PIBF1: variants seen among roughly 807,000 people sequenced by gnomAD.
The protein encoded by PIBF1 is progesterone immunomodulatory binding factor 1.
A neutral mutation model predicts 112.5 loss-of-function variants in PIBF1; 90 were observed. The ratio of observed to expected loss-of-function variants is 0.80; its 90% CI spans 0.67 to 0.95. The LOEUF is 0.95. Ranked by LOEUF, PIBF1 falls within the 40% of genes least tolerant of loss-of-function variation. The pLI is 0.00. For synonymous variants in PIBF1, 301 were observed against 288.6 expected (o/e 1.04, Z -0.44); for missense variants, 915 against 852.3 (o/e 1.07, Z -0.92).
At chr13:72,996,146 A>G (rs575743476) in intron 16 of PIBF1, among the ~76,000 whole-genome samples, 25 of 143,710 alleles carry the variant, frequency 1.7e-4, no homozygotes, top group Admixed American at 1.7e-3. Context: ...ATTGCCACTC[A>G]TATTAAAGAC....
chr13:72,902,938 C>T, intron 11 of PIBF1, among the ~76,000 whole-genome samples: 1 of 151,744 alleles, frequency 6.6e-6, no homozygotes, highest in Non-Finnish European at 1.5e-5. Flanking sequence ...CTCTGTCTCC[C>T]AGGCTGGAAT....
At chr13:73,003,051 C>T (rs1220426023) in intron 17 of PIBF1, among the ~76,000 whole-genome samples, 1 of 147,492 alleles carries the variant, frequency 6.8e-6, no homozygotes, top group African/African-American at 2.5e-5. Flanking sequence ...GATTGTGCAC[C>T]TCCAGTGTAT....
Position 72,893,942 on chromosome 13 carries a change from A to G in PIBF1, c.1481A>G (p.Lys494Arg), listed in dbSNP as rs754138276. The change falls in exon 11 of 18, where the codon AAA becomes AGA. Residue 494 changes from lysine (K) to arginine (R), a missense_variant. Physicochemically the swap from Lys to Arg is conservative, Grantham distance 26. Transcript: ENST00000326291. ...TTGGAATGTGAAAAATATCAGAAAA[A>G]ATTGGAGGTACATGTACAAGCTTTT... ...CQLECEKYQK[K>R]LEVLTKEFYS... The G allele has an allele frequency of 1.8e-5, 28 of 1,586,230 alleles. No individual in the cohort carries two copies. The highest frequency in any genetic ancestry group is 2.2e-5 in the Non-Finnish European group (26 of 1,165,870).
intron 8 of PIBF1, among the ~76,000 whole-genome samples, chr13:72,829,372 A>G (rs2036988006): frequency 1.3e-5 from 2 of 152,032 alleles, no homozygotes; most frequent in Non-Finnish European, 2.9e-5. Context: ...ATCCTGAATG[A>G]TATTGCCCAG....
At chr13:72,830,426 T>C (rs928853224) in intron 8 of PIBF1, among the ~76,000 whole-genome samples, 1 of 152,136 alleles carries the variant, frequency 6.6e-6, no homozygotes. Context: ...CATAACTAGC[T>C]CTTATTATTT....
At chr13:72,839,407 T>C (rs889499561) in intron 9 of PIBF1, among the ~76,000 whole-genome samples, 1 of 152,182 alleles carries the variant, frequency 6.6e-6, no homozygotes, top group African/African-American at 2.4e-5. Context: ...TAGGAAAACA[T>C]GATAAATTTA....
At chr13:72,997,093 C>A (rs1426106354) in intron 16 of PIBF1, among the ~76,000 whole-genome samples, 4 of 152,156 alleles carry the variant, frequency 2.6e-5, no homozygotes, top group African/African-American at 9.7e-5. Context: ...ACTAAACCCC[C>A]CTTTACCTTA....
At chr13:72,837,034 A>G (rs1027822519) in intron 9 of PIBF1, among the ~76,000 whole-genome samples, 4 of 151,972 alleles carry the variant, frequency 2.6e-5, no homozygotes, top group Non-Finnish European at 5.9e-5. Context: ...TAATTATGTC[A>G]TATTTATAAT....
chr13:72,814,087 C>G (rs2036150212), intron 5 of PIBF1, among the ~76,000 whole-genome samples: 1 of 152,172 alleles, frequency 6.6e-6, no homozygotes, highest in East Asian at 1.9e-4. Context: ...TTATGACCTT[C>G]AAACCAAGCC....
At chr13:72,793,954 C>T (rs2035063528) in intron 3 of PIBF1, among the ~76,000 whole-genome samples, 1 of 152,110 alleles carries the variant, frequency 6.6e-6, no homozygotes, top group African/African-American at 2.4e-5. Flanking sequence ...ATCTGGGGAT[C>T]ATTAGGCTAT....
At chr13:72,831,389 C>G (rs921985365) in intron 8 of PIBF1, among the ~76,000 whole-genome samples, 3 of 152,112 alleles carry the variant, frequency 2.0e-5, no homozygotes, top group African/African-American at 7.2e-5. Context: ...CCTGACTTCT[C>G]TTGTGGGCAT....
At chr13:72,797,112 A>T (rs1055022991) in intron 4 of PIBF1, among the ~76,000 whole-genome samples, 1 of 152,142 alleles carries the variant, frequency 6.6e-6, no homozygotes, top group Admixed American at 6.5e-5. Context: ...GGAAAGAGAG[A>T]CCTGAACTAA....
chr13:72,819,605 T>C (rs1180891451), intron 5 of PIBF1, among the ~76,000 whole-genome samples: 1 of 152,124 alleles, frequency 6.6e-6, no homozygotes, highest in African/African-American at 2.4e-5. Flanking sequence ...GCTCTGAGAC[T>C]TTCCAAGCCT....
chr13:72,986,191 A>C (rs186373783), intron 16 of PIBF1, among the ~76,000 whole-genome samples: 4 of 152,020 alleles, frequency 2.6e-5, no homozygotes, highest in Non-Finnish European at 4.4e-5. Context: ...GGAAAAAAAA[A>C]TTTTGATGAA....
chr13:72,824,556 A>G (rs755622135), intron 6 of PIBF1, among the ~76,000 whole-genome samples: 6 of 152,214 alleles, frequency 3.9e-5, no homozygotes, highest in Non-Finnish European at 4.4e-5. Context: ...GGTAATAAAT[A>G]TATCCTTTTT....
chr13:73,012,038 C>G (rs1389469777), intron 17 of PIBF1, among the ~76,000 whole-genome samples: 1 of 152,168 alleles, frequency 6.6e-6, no homozygotes, highest in East Asian at 1.9e-4. Flanking sequence ...TACTAGAGAT[C>G]AAAACTGCTT....
intron 16 of PIBF1, among the ~76,000 whole-genome samples, chr13:72,979,499 G>A (rs1012068234): frequency 1.3e-5 from 2 of 152,160 alleles, no homozygotes; most frequent in Admixed American, 6.5e-5. Context: ...GGCTCTTGGA[G>A]CTGTAGAAGG....
At chr13:72,968,009 C>T (rs1167218866) in intron 15 of PIBF1, among the ~76,000 whole-genome samples, 3 of 151,930 alleles carry the variant, frequency 2.0e-5, no homozygotes, top group Non-Finnish European at 4.4e-5. Context: ...CACGGTGAAA[C>T]CCTGTCTCTA....
At chr13:72,867,197 T>C (rs894279028) in intron 10 of PIBF1, among the ~76,000 whole-genome samples, 5 of 152,126 alleles carry the variant, frequency 3.3e-5, no homozygotes, top group African/African-American at 1.2e-4. Flanking sequence ...CTGGTGGTTT[T>C]AAAAATGGGA....
Sources: gnomAD v4.1 joint callset for allele counts (sites outside exome capture counted in the v4.1 genomes callset) on GRCh38, gnomAD v4.1.1 for gene constraint, MANE v1.5 for transcripts, NCBI Gene and HGNC (gene_info 2026-07-23, HGNC 2026-07-21) for gene names.